Variants in PRDM8 observed in about 807,000 individuals in gnomAD.
PRDM8 encodes PR/SET domain 8.
PRDM8 carries 13 observed loss-of-function variants against 46.5 expected under a neutral mutation model. The observed-to-expected ratio is 0.28, with a 90% CI of 0.18 to 0.44. PRDM8 has a LOEUF of 0.44. Ranked by LOEUF, PRDM8 falls within the 20% of genes least tolerant of loss-of-function variation. The pLI is 1.00. For missense variants in PRDM8, 998 were observed against 955.0 expected (o/e 1.04, Z -0.59); for synonymous variants, 473 against 438.4 (o/e 1.08, Z -0.98).
chr4:80,187,710 T>A (rs1275936439), intron 1 of PRDM8, among the ~76,000 whole-genome samples: 4 of 152,220 alleles, frequency 2.6e-5, no homozygotes, highest in Non-Finnish European at 4.4e-5. Context: ...CCCTTCTCTA[T>A]ATGCAGGGGG....
At chr4:80,187,954 A>G (rs1166430756) in intron 1 of PRDM8, among the ~76,000 whole-genome samples, 1 of 152,200 alleles carries the variant, frequency 6.6e-6, no homozygotes. Flanking sequence ...TGTTCAAGAA[A>G]CATTTGTTGA....
chr4:80,201,051 G>A (rs780216746), intron 2 of PRDM8, among the ~76,000 whole-genome samples: 3 of 152,140 alleles, frequency 2.0e-5, no homozygotes, highest in Non-Finnish European at 2.9e-5. Context: ...ATATAAAAAC[G>A]GTGACTTAAA....
Position 80,203,641 on chromosome 4 carries a change from A to T in PRDM8, c.*109A>T. 2 of 1,452,186 alleles carry T rather than the reference A, an allele frequency of 1.4e-6. No individual in the cohort carries two copies. 90.0% of individuals were successfully genotyped at this position (1,452,186 alleles called of 1,614,324 possible). A position where few individuals can be genotyped will look rare whatever the true frequency, so the allele number is the denominator to read the frequency against. On this transcript the variant is annotated 3_prime_UTR_variant, in exon 4 of 4. Transcript: ENST00000415738. ...TTCCTTGCACCCCGAAACCCTGCAC[A>T]AAGACACATACATTCACCGCCCCCC...
At chr4:80,199,018 T>TTTTTTTGTTTTTTTTTTTA (rs1553904883) in intron 1 of PRDM8, among the ~76,000 whole-genome samples, 1 of 89,144 alleles carries the variant, frequency 1.1e-5, no homozygotes, top group Non-Finnish European at 2.3e-5. Flanking sequence ...TTTTTTTTTT[T>TTTTTTTGTTTTTTTTTTTA]AGTGATAAGT....
Position 80,202,212 on chromosome 4 carries a change from C to G in PRDM8, c.750C>G (p.Ala250=), listed in dbSNP as rs1458732519. ...AAAGCAGCAACCCATCCGCTGCCGC[C>G]GGCGGCAGCAGCGCGAAGCCATCCA... The part of the protein sequence containing the change: ...SPESSNPSAA[A]GGSSAKPSTD... The change falls in exon 4 of 4, where the codon GCC becomes GCG. Residue 250 remains alanine, a synonymous_variant. Coordinates refer to ENST00000415738, the MANE Select transcript of PRDM8 (RefSeq NM_001099403.2). The G allele has an allele frequency of 9.9e-6, 16 of 1,611,926 alleles. No individual in the cohort carries two copies. The highest frequency in any genetic ancestry group is 4.0e-5 in the African/African-American group (3 of 74,778).
intron 2 of PRDM8, among the ~76,000 whole-genome samples, chr4:80,192,241 G>T (rs1202286146): frequency 6.6e-6 from 1 of 152,164 alleles, no homozygotes; most frequent in Non-Finnish European, 1.5e-5. Context: ...GTCAAGGAGT[G>T]TAGTCTGCCC....
In PRDM8 at chr4:80,202,871, G is replaced by A. The variant is rs1388275056; in HGVS notation, c.1409G>A (p.Gly470Asp). ...TCGGTGCCGCAGCTGGGCAGCGCGG[G>A]CAGCACCAGCGGTGGGGGCGGAACG... ...FTSVPQLGSA[G>D]STSGGGGTGA... The change falls in exon 4 of 4, where the codon GGC (glycine) becomes GAC (aspartate). Residue 470 changes from glycine (G) to aspartate (D), a missense_variant. Transcript: ENST00000415738. The A allele has an allele frequency of 4.4e-5, 55 of 1,264,026 alleles. No homozygotes were observed. Among genetic ancestry groups the A allele is most frequent in the Non-Finnish European group, 5.2e-5 (53 of 1,012,378 alleles). The allele number at this position is 1,264,026 out of a possible 1,614,324, so 78.3% of individuals were successfully genotyped here. A position where few individuals can be genotyped will look rare whatever the true frequency, so the allele number is the denominator to read the frequency against.
At chr4:80,185,878 A>C (rs2109859082) in intron 1 of PRDM8, among the ~76,000 whole-genome samples, 1 of 152,348 alleles carries the variant, frequency 6.6e-6, no homozygotes, top group South Asian at 2.1e-4. Flanking sequence ...TAGGAAGCCG[A>C]AAATGGTAAT....
intron 1 of PRDM8, among the ~76,000 whole-genome samples, chr4:80,198,871 A>G (rs1371861631): frequency 6.6e-6 from 1 of 152,084 alleles, no homozygotes; most frequent in Non-Finnish European, 1.5e-5. Context: ...CAACAGTGAC[A>G]TTATTAGGGA....
intron 1 of PRDM8, among the ~76,000 whole-genome samples, chr4:80,186,837 A>G (rs1184530803): frequency 6.6e-6 from 1 of 152,222 alleles, no homozygotes; most frequent in Non-Finnish European, 1.5e-5. Flanking sequence ...ATACACAAGG[A>G]AAACCAAAGC....
upstream of PRDM8, chr4:80,197,176 G>C: frequency 1.0e-6 from 1 of 985,478 alleles, no homozygotes; most frequent in Non-Finnish European, 1.2e-6. Context: ...GCTTCTCCAA[G>C]TGCCTAGTGA....
At chr4:80,195,602 G>A (rs548234962), upstream of PRDM8, among the ~76,000 whole-genome samples, 4 of 151,940 alleles carry the variant, frequency 2.6e-5, no homozygotes, top group Non-Finnish European at 5.9e-5. Context: ...ACAATTGGTA[G>A]CTCAGTATAG....
Position 80,202,630 on chromosome 4 carries a change from A to C in PRDM8, c.1168A>C (p.Lys390Gln), listed in dbSNP as rs1738600702. 6.6e-7 allele frequency: 1 copy of C among 1,519,678 alleles called. No homozygotes were observed. The highest frequency in any genetic ancestry group is 8.8e-7 in the Non-Finnish European group (1 of 1,139,320). The allele number at this position is 1,519,678 out of a possible 1,614,324, so 94.1% of individuals were successfully genotyped here. ...GAAGCGCAGCGCCTTCGTGGAGGTG[A>C]AGAAGGCTGCCCGCGCGGCCAGCCT... ...EAKRSAFVEV[K>Q]KAARAASLQE... Residue 390 changes from lysine to glutamine, a missense_variant, in exon 4 of 4, where the codon AAG becomes CAG. Physicochemically the swap from Lys to Gln is moderately conservative, Grantham distance 53. Transcript: ENST00000415738.
In PRDM8 at chr4:80,200,199, T is replaced by C; in HGVS notation, c.119T>C (p.Ile40Thr). 6.2e-7 allele frequency: 1 copy of C among 1,614,128 alleles called. No individual in the cohort carries two copies. The highest frequency in any genetic ancestry group is 8.5e-7 in the Non-Finnish European group (1 of 1,179,966). The change falls in exon 2 of 4, where the codon ATA (isoleucine) becomes ACA (threonine). Residue 40 changes from isoleucine to threonine, a missense_variant. Transcript: ENST00000415738. ...ACCTGCGACATCCCTGAGAATGCTA[T>C]ATTTGGTCCCTGTGTCCTGAGCCAT... The part of the protein sequence containing the change: ...YTTCDIPENA[I>T]FGPCVLSHTS...
rs575215294 is a variant in PRDM8 at position 80,203,035 on chromosome 4, C to A, written c.1573C>A (p.Pro525Thr). 7 of 1,545,744 alleles carry A rather than the reference C, an allele frequency of 4.5e-6. No individual in the cohort carries two copies. In the African/African-American group the frequency reaches 8.4e-5, roughly 19 times the overall value. ...GGGCCAGAAGCTGGGCGCGCTCGAG[C>A]CATGCCACCCCGCCGACGGCGTGGG... ...VLGQKLGALE[P>T]CHPADGVGPT... Residue 525 changes from proline to threonine, a missense_variant, in exon 4 of 4, where the codon CCA (proline) becomes ACA (threonine). Coordinates refer to ENST00000415738, the MANE Select transcript of PRDM8 (RefSeq NM_001099403.2).
chr4:80,196,718 G>C, upstream of PRDM8: 2 of 897,780 alleles, frequency 2.2e-6, no homozygotes, highest in Non-Finnish European at 2.7e-6. Context: ...CAGAGGGGGG[G>C]AAAAACCCCA....
upstream of PRDM8, among the ~76,000 whole-genome samples, chr4:80,195,008 G>A (rs1227487683): frequency 6.6e-6 from 1 of 152,152 alleles, no homozygotes; most frequent in Non-Finnish European, 1.5e-5. Context: ...CCAGGCACAA[G>A]AAAAATGCCT....
At chr4:80,193,949 C>A (rs1012224754), upstream of PRDM8, among the ~76,000 whole-genome samples, 1 of 152,180 alleles carries the variant, frequency 6.6e-6, no homozygotes, top group Non-Finnish European at 1.5e-5. Context: ...GGATAATAAT[C>A]TTTACGTGAA....
Position 80,202,759 on chromosome 4 carries a change from G to C in PRDM8, c.1297G>C (p.Ala433Pro). 7.8e-7 allele frequency: 1 copy of C among 1,275,762 alleles called. No individual in the cohort carries two copies. Among genetic ancestry groups the C allele is most frequent in the Non-Finnish European group, 9.8e-7 (1 of 1,016,014 alleles). 79.0% of individuals were successfully genotyped at this position (1,275,762 alleles called of 1,614,324 possible). Reference sequence around the variant, plus strand: ...GCCCGCGGCCGCGTCACCGGTGGGCGCCGAGAAGCTGCTGGCCCCGCGGCC... The same window carrying C: ...GCCCGCGGCCGCGTCACCGGTGGGCCCCGAGAAGCTGCTGGCCCCGCGGCC... ...STPAAASPVG[A>P]EKLLAPRPGG... Residue 433 changes from alanine to proline, a missense_variant, in exon 4 of 4, where the codon GCC (alanine) becomes CCC (proline). Coordinates refer to ENST00000415738, the MANE Select transcript of PRDM8 (RefSeq NM_001099403.2).
Sources: gnomAD v4.1 joint callset for allele counts (sites outside exome capture counted in the v4.1 genomes callset) on GRCh38, gnomAD v4.1.1 for gene constraint, MANE v1.5 for transcripts, NCBI Gene and HGNC (gene_info 2026-07-23, HGNC 2026-07-21) for gene names.